MLYCD: variants seen among roughly 807,000 people sequenced by gnomAD.
MLYCD encodes malonyl-CoA decarboxylase, also known as malonyl-CoA decarboxylase, mitochondrial.
MLYCD carries 27 observed loss-of-function variants against 35.8 expected under a neutral mutation model. That is an observed-to-expected ratio of 0.75 (90% CI 0.56 to 1.04). The LOEUF (loss-of-function observed/expected upper bound fraction) is 1.04. Among genes scored for constraint, MLYCD ranks in the 50% least tolerant of loss-of-function variants. MLYCD has a pLI of 0.00. For synonymous variants in MLYCD, 403 were observed against 302.4 expected, an observed-to-expected ratio of 1.33 and a Z score of -3.45; for missense variants, 917 against 665.1, an observed-to-expected ratio of 1.38 and a Z score of -4.17.
intron 1 of MLYCD, among the ~76,000 whole-genome samples, chr16:83,902,968 G>T (rs1236257597): frequency 1.3e-5 from 2 of 152,154 alleles, no homozygotes; most frequent in African/African-American, 4.8e-5. Flanking sequence ...GTGTCTGGGG[G>T]ATGGTGGTTT....
chr16:83,901,553 T>G (rs1906786794), intron 1 of MLYCD, among the ~76,000 whole-genome samples: 1 of 152,202 alleles, frequency 6.6e-6, no homozygotes. Context: ...ATATCAGACA[T>G]TTGGACAGCT....
At chr16:83,904,278 C>G (rs1037749921) in intron 1 of MLYCD, among the ~76,000 whole-genome samples, 2 of 152,150 alleles carry the variant, frequency 1.3e-5, no homozygotes, top group Non-Finnish European at 2.9e-5. Context: ...GCCCTCCTGG[C>G]CCCTGGGATG....
At position 83,922,650 on chromosome 16, in the gene MLYCD, G is replaced by A. The variant is rs1446696929; in HGVS notation, c.*7161G>A. 4 of 152,240 alleles carry A rather than the reference G, an allele frequency of 2.6e-5. No homozygotes were observed. The highest frequency in any genetic ancestry group is 5.9e-5 in the Non-Finnish European group (4 of 68,060). 9.4% of individuals were successfully genotyped at this position (152,240 alleles called of 1,614,324 possible). A position where few individuals can be genotyped will look rare whatever the true frequency, so the allele number is the denominator to read the frequency against. On this transcript the variant is annotated 3_prime_UTR_variant, in exon 5 of 5. Transcript: ENST00000262430. ...TAGTACCGACCCCACAGCCTGCTGA[G>A]AGGCTCAAAGGAGACGATGTATATA...
At chr16:83,914,870 G>C in intron 4 of MLYCD, 86 bp from the exon 5 acceptor site, 1 of 1,570,590 alleles carries the variant, frequency 6.4e-7, no homozygotes, top group Non-Finnish European at 8.8e-7. Context: ...GTGAGCCGTA[G>C]GTTAAGAGGT....
At chr16:83,912,430 C>G (rs1907213933) in intron 4 of MLYCD, 63 bp downstream of exon 4, 1 of 1,603,530 alleles carries the variant, frequency 6.2e-7, no homozygotes, top group African/African-American at 1.3e-5. Flanking sequence ...CAGCGAACCT[C>G]GTGGGGTGTC....
At chr16:83,908,048 G>T in intron 2 of MLYCD, 78 bp from the exon 3 acceptor site, 3 of 1,565,136 alleles carry the variant, frequency 1.9e-6, no homozygotes, top group East Asian at 2.2e-5. Context: ...TGACTTAGAC[G>T]AATAGTATGA....
rs1459533602 is a variant in MLYCD, at chr16:83,924,283, G to C, written c.*8794G>C. ...GATGGGGGATCTGGCCCTGTGGTGA[G>C]TGCACCCAGAGCAGGTGTCTCTCCG... is the stretch of plus-strand genomic sequence containing the variant. On this transcript the variant is annotated 3_prime_UTR_variant, in exon 5 of 5. Coordinates refer to ENST00000262430, the MANE Select transcript of MLYCD (RefSeq NM_012213.3). The C allele has an allele frequency of 6.6e-6, 1 of 152,200 alleles. No individual in the cohort carries two copies. The highest frequency in any genetic ancestry group is 2.4e-5 in the African/African-American group (1 of 41,432). 9.4% of individuals were successfully genotyped at this position (152,200 alleles called of 1,614,324 possible).
rs1353570670 is a variant in MLYCD, at chr16:83,916,837, G to A, written c.*1348G>A. 7.6e-6 allele frequency: 1 copy of A among 131,788 alleles called. No individual in the cohort carries two copies. The highest frequency in any genetic ancestry group is 3.0e-5 in the African/African-American group (1 of 33,766). The allele number at this position is 131,788 out of a possible 1,614,324, so 8.2% of individuals were successfully genotyped here. On this transcript the variant is annotated 3_prime_UTR_variant, in exon 5 of 5. Coordinates refer to ENST00000262430, the MANE Select transcript of MLYCD (RefSeq NM_012213.3). Reference sequence around the variant, plus strand: ...TGTGTGCGTGTGCACGAGCGTCTCTGTGTGTCAGTGCACGTCTGTGTGCGT... The same window carrying A: ...TGTGTGCGTGTGCACGAGCGTCTCTATGTGTCAGTGCACGTCTGTGTGCGT...
At chr16:83,905,052 G>A (rs1348908560) in intron 1 of MLYCD, among the ~76,000 whole-genome samples, 1 of 152,270 alleles carries the variant, frequency 6.6e-6, no homozygotes, top group Non-Finnish European at 1.5e-5. Context: ...TTTCTCAGGC[G>A]TCAAAGTTCT....
intron 3 of MLYCD, among the ~76,000 whole-genome samples, chr16:83,910,574 C>T (rs1344523789): frequency 6.6e-6 from 1 of 151,822 alleles, no homozygotes; most frequent in Non-Finnish European, 1.5e-5. Flanking sequence ...CCTGTAGCCC[C>T]AGCTACTTGG....
chr16:83,906,913 G>T (rs1597290296), intron 1 of MLYCD, 74 bp from the exon 2 acceptor site: 5 of 1,264,900 alleles, frequency 4.0e-6, no homozygotes, highest in Non-Finnish European at 4.6e-6. Flanking sequence ...TTCATTCCTT[G>T]TGCTGACCAC....
In MLYCD at chr16:83,918,218, C is replaced by A. The variant is rs186431271; in HGVS notation, c.*2729C>A. ...TCTTAACCTTTTGTGAGTTACAGATCACTGAAATTCTGGTGAAAGCCAGGT... is the reference window on the plus strand; with the variant it reads ...TCTTAACCTTTTGTGAGTTACAGATAACTGAAATTCTGGTGAAAGCCAGGT... On this transcript the variant is annotated 3_prime_UTR_variant, in exon 5 of 5. Transcript: ENST00000262430. 4.6e-5 allele frequency: 7 copies of A among 152,378 alleles called. No homozygotes were observed. Among genetic ancestry groups the A allele is most frequent in the Admixed American group, 3.9e-4 (6 of 15,308 alleles). 9.4% of individuals were successfully genotyped at this position (152,378 alleles called of 1,614,324 possible).
At chr16:83,911,859 G>T (rs1235746373) in intron 3 of MLYCD, 1 of 321,062 alleles carries the variant, frequency 3.1e-6, no homozygotes, top group East Asian at 8.0e-5. Flanking sequence ...TGGTCTCAAG[G>T]ATCCGTGTGT....
chr16:83,921,905 A>T lies in MLYCD; in HGVS notation c.*6416A>T, dbSNP rs1907668188. On this transcript the variant is annotated 3_prime_UTR_variant, in exon 5 of 5. Transcript: ENST00000262430. ...GTGTTCTGAACTACACCCTACAGGAAAGTGCTACTCAGTGCCCAGGTGACA... is the reference window on the plus strand; with the variant it reads ...GTGTTCTGAACTACACCCTACAGGATAGTGCTACTCAGTGCCCAGGTGACA... The T allele has an allele frequency of 6.6e-6, 1 of 152,240 alleles. No individual in the cohort carries two copies. Among genetic ancestry groups the T allele is most frequent in the Non-Finnish European group, 1.5e-5 (1 of 68,098 alleles). The allele number at this position is 152,240 out of a possible 1,614,324, so 9.4% of individuals were successfully genotyped here. A position where few individuals can be genotyped will look rare whatever the true frequency, so the allele number is the denominator to read the frequency against.
At position 83,926,828 on chromosome 16, in the gene MLYCD, T is replaced by A. The variant is rs1189906901; in HGVS notation, c.*11339T>A. ...GTCCTCGCAAGCGCTGTGCACCCCGTCGCCGCGAGATGGCGGTGTTGCGCC... is the reference window on the plus strand; with the variant it reads ...GTCCTCGCAAGCGCTGTGCACCCCGACGCCGCGAGATGGCGGTGTTGCGCC... On this transcript the variant is annotated 3_prime_UTR_variant, in exon 5 of 5. Coordinates refer to ENST00000262430, the MANE Select transcript of MLYCD (RefSeq NM_012213.3). The A allele has an allele frequency of 1.3e-5, 2 of 152,110 alleles. No individual in the cohort carries two copies. The highest frequency in any genetic ancestry group is 2.9e-5 in the Non-Finnish European group (2 of 68,046). 9.4% of individuals were successfully genotyped at this position (152,110 alleles called of 1,614,324 possible).
intron 1 of MLYCD, among the ~76,000 whole-genome samples, chr16:83,906,202 C>T (rs115429698): frequency 0.032 from 4,797 of 152,046 alleles, 155 homozygotes; most frequent in African/African-American, 0.084. Context: ...GCCTGGGCAA[C>T]GTGGCAAAAC....
At position 83,915,196 on chromosome 16, in the gene MLYCD, C is replaced by G. The variant is rs760517323; in HGVS notation, c.1189C>G (p.Pro397Ala). The G allele has an allele frequency of 6.2e-7, 1 of 1,614,098 alleles. No individual in the cohort carries two copies. Among genetic ancestry groups the G allele is most frequent in the Non-Finnish European group, 8.5e-7 (1 of 1,179,922 alleles). ...GAAGCTGGTGCGGGCGCTGCAGACT[C>G]CGCTGATGAGGCTGTGCGCCTGGTA... ...SEKLVRALQT[P>A]LMRLCAWYLY... The change falls in exon 5 of 5, where the codon CCG (proline) becomes GCG (alanine). Residue 397 changes from proline (P) to alanine (A), a missense_variant. Pro to Ala is a conservative substitution (Grantham distance 27). Transcript: ENST00000262430.
intron 1 of MLYCD, among the ~76,000 whole-genome samples, chr16:83,902,131 A>G (rs112433475): frequency 1.2e-4 from 15 of 126,654 alleles, no homozygotes; most frequent in African/African-American, 3.0e-4. Flanking sequence ...GTATGTGTAT[A>G]TGTGTGTGTG....
In MLYCD at chr16:83,915,640, C is replaced by T. The variant is rs1257963366; in HGVS notation, c.*151C>T. 6.6e-7 allele frequency: 1 copy of T among 1,513,252 alleles called. No individual in the cohort carries two copies. Among genetic ancestry groups the T allele is most frequent in the Non-Finnish European group, 8.8e-7 (1 of 1,134,642 alleles). The allele number at this position is 1,513,252 out of a possible 1,614,324, so 93.7% of individuals were successfully genotyped here. On this transcript the variant is annotated 3_prime_UTR_variant, in exon 5 of 5. Transcript: ENST00000262430. Reference sequence around the variant, plus strand: ...AGCCGGTCCACACTGTGAGGCCAGGCCTCAACTTCCCTCACCCTGGGCGTG... The same window carrying T: ...AGCCGGTCCACACTGTGAGGCCAGGTCTCAACTTCCCTCACCCTGGGCGTG...
Sources: allele counts gnomAD v4.1 joint callset (sites outside exome capture counted in the v4.1 genomes callset), GRCh38; gene constraint gnomAD v4.1.1; transcripts MANE v1.5; gene names NCBI Gene and HGNC (gene_info 2026-07-23, HGNC 2026-07-21).